Variants in CELF2 observed in about 807,000 individuals in gnomAD.
CELF2 encodes CUGBP Elav-like family member 2, also known as CUG triplet repeat RNA-binding protein 2.
Under a neutral mutation model 62.6 loss-of-function variants are expected in CELF2, and 8 were observed. The observed-to-expected ratio is 0.13, with a 90% CI of 0.07 to 0.23. CELF2 has a LOEUF of 0.23. Ranked by LOEUF, CELF2 falls within the 10% of genes least tolerant of loss-of-function variation. CELF2 has a pLI of 1.00. For missense variants in CELF2, 333 were observed against 671.0 expected (o/e 0.50, Z 5.56); for synonymous variants, 258 against 250.0 (o/e 1.03, Z -0.30).
chr10:11,154,858 T>TAGGG (rs2064006956), intron 1 of CELF2, among the ~76,000 whole-genome samples: 1 of 152,132 alleles, frequency 6.6e-6, no homozygotes, highest in Admixed American at 6.5e-5. Context: ...CCATCGCCCT[T>TAGGG]ATTTCTCCCG....
the CELF2 span, among the ~76,000 whole-genome samples, chr10:10,527,738 A>G: frequency 5.3e-5 from 8 of 152,188 alleles, no homozygotes; most frequent in African/African-American, 1.9e-4. Flanking sequence ...ATGCGGAAGA[A>G]AATACTGTTG....
In CELF2 at chr10:11,159,383, C is replaced by T. The variant is rs117270900; in HGVS notation, c.75-6103C>T. Among the ~76,000 whole-genome samples, 4,312 of 152,306 alleles carry T rather than the reference C, an allele frequency of 0.028. 99 individuals are homozygous for T. The highest frequency in any genetic ancestry group is 0.039 in the Non-Finnish European group (2,646 of 68,022). ...CCGAAAGGCAGTCATGGAAGACAGA[C>T]GCGTTTTTCATGATGACTGTGAAGC... On this transcript the variant is annotated intron_variant, in intron 1 of 12. Coordinates refer to ENST00000633077, the MANE Select transcript of CELF2 (RefSeq NM_001326342.2). The surrounding 1 kb of genome is among the most constrained non-coding windows in gnomAD (Gnocchi z 5.0).
the CELF2 span, among the ~76,000 whole-genome samples, chr10:10,468,460 C>T: frequency 2.0e-5 from 3 of 151,992 alleles, no homozygotes; most frequent in African/African-American, 7.2e-5. Context: ...GCTTCAGAAT[C>T]TTCATCCTAC....
chr10:10,546,152 G>A, the CELF2 span, among the ~76,000 whole-genome samples: 1 of 152,316 alleles, frequency 6.6e-6, no homozygotes, highest in East Asian at 1.9e-4. Flanking sequence ...AGCTTTAGAA[G>A]TGCTGAGGTT....
chr10:10,534,214 T>TAAAAAAAA, the CELF2 span, among the ~76,000 whole-genome samples: 1 of 134,306 alleles, frequency 7.4e-6, no homozygotes, highest in South Asian at 2.4e-4. Flanking sequence ...GAGGAGTTGT[T>TAAAAAAAA]AAAAAAAAAA....
rs886336924 is a variant in CELF2, at chr10:10,995,436, C to G, written c.89+75437C>G. ...CCTGAAGGATACACAGAAATAAACC[C>G]AGTCACAGGGTGGGGATCACTGGAG... On this transcript the variant is annotated intron_variant, in intron 2 of 13. Transcript: ENST00000636488. The surrounding 1 kb of genome is among the most constrained non-coding windows in gnomAD (Gnocchi z 4.7). Among the ~76,000 whole-genome samples the G allele has an allele frequency of 1.3e-5, 2 of 152,152 alleles. No individual in the cohort carries two copies. Among genetic ancestry groups the G allele is most frequent in the African/African-American group, 4.8e-5 (2 of 41,434 alleles).
At chr10:10,848,886 A>C (rs1454382864) in intron 1 of CELF2, among the ~76,000 whole-genome samples, 1 of 152,078 alleles carries the variant, frequency 6.6e-6, no homozygotes, top group African/African-American at 2.4e-5. Flanking sequence ...ATGTCGAAGG[A>C]ACACCTCCCT....
the CELF2 span, among the ~76,000 whole-genome samples, chr10:10,515,318 C>T: frequency 8.3e-6 from 1 of 120,626 alleles, no homozygotes; most frequent in African/African-American, 3.7e-5. Context: ...TGTGCTAAAA[C>T]TAATCATGTT....
chr10:10,835,289 C>T lies in CELF2; in HGVS notation c.53+36472C>T, dbSNP rs182493702. Among the ~76,000 whole-genome samples, 13 of 152,088 alleles carry T rather than the reference C, an allele frequency of 8.5e-5. No individual in the cohort carries two copies. In the East Asian group the frequency reaches 1.5e-3, roughly 18 times the overall value. On this transcript the variant is annotated intron_variant, in intron 1 of 13. Transcript: ENST00000636488. ...TTATTTTTGTAGAGATGTGGTCTTG[C>T]CATGTTGCAATGGCTGACCTCAAAC...
chr10:11,171,531 G>A (rs1596561277), intron 2 of CELF2, among the ~76,000 whole-genome samples: 1 of 152,230 alleles, frequency 6.6e-6, no homozygotes, highest in African/African-American at 2.4e-5. Flanking sequence ...TGAACAGGAA[G>A]AAGGAAACAG....
chr10:11,235,700 G>A (rs984279097), intron 3 of CELF2, among the ~76,000 whole-genome samples: 7 of 152,048 alleles, frequency 4.6e-5, no homozygotes, highest in African/African-American at 1.4e-4. Context: ...AATATCTGAT[G>A]TCTTGCTCAG....
the CELF2 span, among the ~76,000 whole-genome samples, chr10:10,752,449 G>T: frequency 6.6e-6 from 1 of 152,008 alleles, no homozygotes; most frequent in African/African-American, 2.4e-5. Flanking sequence ...CCAGCACTTT[G>T]GGAGGCCAAC....
chr10:10,544,063 A>G, the CELF2 span, among the ~76,000 whole-genome samples: 1 of 152,226 alleles, frequency 6.6e-6, no homozygotes, highest in Non-Finnish European at 1.5e-5. Flanking sequence ...TAAAGTTGTT[A>G]AAGGAGTAGA....
chr10:10,719,484 T>G, the CELF2 span, among the ~76,000 whole-genome samples: 1 of 152,122 alleles, frequency 6.6e-6, no homozygotes, highest in African/African-American at 2.4e-5. Context: ...CAGGCTGGTC[T>G]GTAACTCCTG....
At chr10:10,575,212 G>A in the CELF2 span, among the ~76,000 whole-genome samples, 4 of 152,022 alleles carry the variant, frequency 2.6e-5, no homozygotes, top group Admixed American at 6.6e-5. Flanking sequence ...CAACCAAAAC[G>A]TGAATGAAAG....
Position 10,888,166 on chromosome 10 carries a change from G to A in CELF2, c.54-31798G>A, listed in dbSNP as rs150826048. On this transcript the variant is annotated intron_variant, in intron 1 of 13. Coordinates refer to the CELF2 transcript ENST00000636488. ...AAGATTTATGGATGACATAGCAAAT[G>A]ATTTACATTACTGAATTTCTAAAGG... Among the ~76,000 whole-genome samples, 68 of 152,322 alleles carry A rather than the reference G, an allele frequency of 4.5e-4. 1 individual carries two copies. In the East Asian group the frequency reaches 0.011, roughly 24 times the overall value.
intron 1 of CELF2, among the ~76,000 whole-genome samples, chr10:11,006,824 G>A (rs1675388102): frequency 6.6e-6 from 1 of 152,160 alleles, no homozygotes. Flanking sequence ...CTTATAAAAT[G>A]CCTTTCTATG....
intron 2 of CELF2, among the ~76,000 whole-genome samples, chr10:10,962,587 G>A (rs985317991): frequency 6.6e-6 from 1 of 152,140 alleles, no homozygotes; most frequent in Non-Finnish European, 1.5e-5. Flanking sequence ...CAGGCATGGT[G>A]GTGCACACAC....
chr10:10,950,005 G>C (rs971432207), intron 2 of CELF2, among the ~76,000 whole-genome samples: 5 of 151,982 alleles, frequency 3.3e-5, no homozygotes, highest in African/African-American at 1.2e-4. Flanking sequence ...CTAACCTTTG[G>C]TTGCTTGACA....
Sources: allele counts gnomAD v4.1 joint callset (sites outside exome capture counted in the v4.1 genomes callset), GRCh38; gene constraint gnomAD v4.1.1; non-coding constraint Gnocchi (gnomAD v3.1); transcripts MANE v1.5; gene names NCBI Gene and HGNC (gene_info 2026-07-23, HGNC 2026-07-21).